The following DYNC2H1 variants were observed in gnomAD, a reference collection of about 807,000 sequenced individuals.
The protein encoded by DYNC2H1 is cytoplasmic dynein 2 heavy chain 1.
In DYNC2H1, 410 loss-of-function variants were observed where a neutral mutation model predicts 570.0. The observed-to-expected ratio is 0.72, with a 90% CI of 0.66 to 0.78. The LOEUF (loss-of-function observed/expected upper bound fraction) is 0.78, where lower values mean the gene tolerates loss of function less well. DYNC2H1 is among the 30% of genes least tolerant of loss of function. The pLI is 0.00. For synonymous variants in DYNC2H1, 1,688 were observed against 1,677.6 expected (o/e 1.01, Z -0.15); for missense variants, 4,865 against 5,046.4 (o/e 0.96, Z 1.09).
intron 81 of DYNC2H1, among the ~76,000 whole-genome samples, chr11:103,321,559 G>A (rs1938200809): frequency 1.3e-5 from 2 of 152,006 alleles, no homozygotes; most frequent in Non-Finnish European, 2.9e-5. Context: ...CTTCATAGTA[G>A]GCATGAGTAT....
In DYNC2H1 at chr11:103,153,447, A is replaced by C. The variant is rs1860665720; in HGVS notation, c.3241A>C (p.Lys1081Gln). Reference sequence around the variant, plus strand: ...ACATAATACTCTTGATAAAAGTGCAAAGTTAATAAAAGAGAAAAAAATTGA... The same window carrying C: ...ACATAATACTCTTGATAAAAGTGCACAGTTAATAAAAGAGAAAAAAATTGA... ...GQHNTLDKSA[K>Q]LIKEKKIEFD... The change falls in exon 22 of 89, where the codon AAG becomes CAG. Residue 1081 changes from lysine to glutamine, a missense_variant. Lys to Gln is a moderately conservative substitution (Grantham distance 53, BLOSUM62 1). Transcript: ENST00000375735. 6.4e-7 allele frequency: 1 copy of C among 1,568,584 alleles called. No individual in the cohort carries two copies. The highest frequency in any genetic ancestry group is 1.7e-4 in the Middle Eastern group (1 of 5,982).
chr11:103,438,198 TC>T (rs1944131380), intron 85 of DYNC2H1, among the ~76,000 whole-genome samples: 1 of 152,088 alleles, frequency 6.6e-6, no homozygotes, highest in South Asian at 2.1e-4. Context: ...TGTTTTATTT[TC>T]CTGGCTTAAT....
intron 84 of DYNC2H1, among the ~76,000 whole-genome samples, chr11:103,401,224 G>A (rs1391452003): frequency 2.0e-5 from 3 of 152,152 alleles, no homozygotes; most frequent in African/African-American, 4.8e-5. Context: ...ATTTGAATCT[G>A]GGTATGTCCT....
intron 83 of DYNC2H1, among the ~76,000 whole-genome samples, chr11:103,361,956 G>A (rs1162180428): frequency 6.6e-6 from 1 of 152,140 alleles, no homozygotes; most frequent in Non-Finnish European, 1.5e-5. Context: ...TGGTGACCTT[G>A]ACAAGTAAAG....
At position 103,187,481 on chromosome 11, in the gene DYNC2H1, A is replaced by G. The variant is rs1356767360; in HGVS notation, c.7035A>G (p.Val2345=). 3.1e-6 allele frequency: 5 copies of G among 1,613,320 alleles called. No individual in the cohort carries two copies. Among genetic ancestry groups the G allele is most frequent in the East Asian group, 4.5e-5 (2 of 44,858 alleles). Residue 2345 remains valine, a synonymous_variant, in exon 43 of 89, where the codon GTA becomes GTG. Coordinates refer to ENST00000375735, the MANE Select transcript of DYNC2H1 (RefSeq NM_001377.3). ...CMVISTNTGR[V]YRPKDCERLV... is the part of the protein sequence containing the mutation. ...TAATCAGTACTAATACTGGTCGTGT[A>G]TACAGACCAAAAGACTGTGAAAGAC... is the stretch of plus-strand genomic sequence containing the variant.
intron 82 of DYNC2H1, among the ~76,000 whole-genome samples, chr11:103,346,239 G>A (rs1939738708): frequency 1.3e-5 from 2 of 152,184 alleles, no homozygotes; most frequent in Admixed American, 1.3e-4. Context: ...GACTCAAATG[G>A]TTTTTCATCA....
intron 58 of DYNC2H1, among the ~76,000 whole-genome samples, chr11:103,222,657 TCAAA>T (rs1315197782): frequency 1.4e-4 from 21 of 152,214 alleles, no homozygotes; most frequent in Admixed American, 1.4e-3. Context: ...GAATTGATGC[TCAAA>T]CATTGTTGTG....
intron 82 of DYNC2H1, among the ~76,000 whole-genome samples, chr11:103,348,246 TAA>T (rs1939855166): frequency 6.6e-6 from 1 of 152,172 alleles, no homozygotes; most frequent in Non-Finnish European, 1.5e-5. Flanking sequence ...GATAATTCTG[TAA>T]ACTACCTAAC....
intron 29 of DYNC2H1, among the ~76,000 whole-genome samples, chr11:103,162,497 A>G (rs1861138653): frequency 6.6e-6 from 1 of 152,156 alleles, no homozygotes; most frequent in Admixed American, 6.5e-5. Context: ...TCACTTTGAA[A>G]CAAAATTAGT....
At chr11:103,171,580 T>G (rs1436371208) in intron 34 of DYNC2H1, among the ~76,000 whole-genome samples, 1 of 152,118 alleles carries the variant, frequency 6.6e-6, no homozygotes, top group Non-Finnish European at 1.5e-5. Flanking sequence ...AACTTTCCAT[T>G]TTGGATAATT....
intron 9 of DYNC2H1, 133 bp downstream of exon 9, chr11:103,121,169 T>C (rs1565315663): frequency 1.1e-6 from 1 of 906,750 alleles, no homozygotes; most frequent in Non-Finnish European, 1.6e-6. Context: ...ATTTACTTAT[T>C]CTGTTATAAA....
chr11:103,355,023 G>C (rs560408136), intron 82 of DYNC2H1, among the ~76,000 whole-genome samples: 2 of 151,972 alleles, frequency 1.3e-5, no homozygotes, highest in Admixed American at 6.5e-5. Flanking sequence ...CATATATTAA[G>C]AGTTTTAATT....
intron 86 of DYNC2H1, among the ~76,000 whole-genome samples, chr11:103,456,069 G>A (rs1169397395): frequency 1.3e-5 from 2 of 152,058 alleles, no homozygotes; most frequent in African/African-American, 4.8e-5. Context: ...TATCCTTAAG[G>A]AACTTACAGC....
intron 82 of DYNC2H1, among the ~76,000 whole-genome samples, chr11:103,354,176 CAAAACAAAAA>C (rs1415602655): frequency 2.2e-4 from 11 of 50,926 alleles, no homozygotes; most frequent in Non-Finnish European, 2.9e-4. Flanking sequence ...GGCTCTGTCT[CAAAACAAAAA>C]AAAAAAAAAA....
At chr11:103,147,404 G>T (rs1242883885) in intron 18 of DYNC2H1, among the ~76,000 whole-genome samples, 1 of 151,858 alleles carries the variant, frequency 6.6e-6, no homozygotes, top group Non-Finnish European at 1.5e-5. Flanking sequence ...TTGGCTACAG[G>T]ATAGTAAATT....
intron 57 of DYNC2H1, 126 bp downstream of exon 57, chr11:103,220,909 G>T (rs553254194): frequency 3.4e-6 from 3 of 881,156 alleles, no homozygotes; most frequent in Non-Finnish European, 4.9e-6. Context: ...GTACATTTTG[G>T]CTTGAAATTT....
chr11:103,143,168 T>A (rs1860048267), intron 17 of DYNC2H1, 100 bp from the exon 18 acceptor site: 1 of 1,239,246 alleles, frequency 8.1e-7, no homozygotes, highest in Admixed American at 2.2e-5. Context: ...ACCTCATATT[T>A]TCCTCTTTTT....
At chr11:103,119,055 C>T (rs1468452707) in intron 6 of DYNC2H1, among the ~76,000 whole-genome samples, 1 of 152,086 alleles carries the variant, frequency 6.6e-6, no homozygotes, top group African/African-American at 2.4e-5. Flanking sequence ...CTTTTTGTTA[C>T]TTTGAAATAT....
rs1414201723 is a variant in DYNC2H1, at chr11:103,145,522, A to G, written c.2702+2127A>G. Reference sequence around the variant, plus strand: ...CTCTACTATTTTTTTGTCCCTTACTATAGATAGCTTTCCTATTTATGATCC... The same window carrying G: ...CTCTACTATTTTTTTGTCCCTTACTGTAGATAGCTTTCCTATTTATGATCC... On this transcript the variant is annotated intron_variant, in intron 18 of 88. Coordinates refer to ENST00000375735, the MANE Select transcript of DYNC2H1 (RefSeq NM_001377.3). This position sits in a 1 kb window ranked among gnomAD's most constrained non-coding sequence, Gnocchi z 4.2. Among the ~76,000 whole-genome samples the G allele has an allele frequency of 2.0e-5, 3 of 152,064 alleles. No homozygotes were observed. Among genetic ancestry groups the G allele is most frequent in the South Asian group, 2.1e-4 (1 of 4,820 alleles).
Sources: allele counts gnomAD v4.1 joint callset (sites outside exome capture counted in the v4.1 genomes callset), GRCh38; gene constraint gnomAD v4.1.1; non-coding constraint Gnocchi (gnomAD v3.1); transcripts MANE v1.5; gene names NCBI Gene and HGNC (gene_info 2026-07-23, HGNC 2026-07-21).